GPR141: variants seen among roughly 807,000 people sequenced by gnomAD.
GPR141 encodes the protein probable G protein-coupled receptor 141.
Under a neutral mutation model 6.8 loss-of-function variants are expected in GPR141, and 6 were observed. The observed-to-expected ratio is 0.88, with a 90% CI of 0.48 to 1.74. The LOEUF (loss-of-function observed/expected upper bound fraction) is 1.74. GPR141 is among the 40% of genes most tolerant of loss of function. GPR141 has a pLI of 0.01. For synonymous variants in GPR141, 140 were observed against 142.3 expected, an observed-to-expected ratio of 0.98 and a Z score of 0.11; for missense variants, 372 against 372.9, an observed-to-expected ratio of 1.00 and a Z score of 0.02.
chr7:37,699,421 C>T (rs973399067), intron 2 of GPR141, among the ~76,000 whole-genome samples: 21 of 152,236 alleles, frequency 1.4e-4, no homozygotes, highest in Admixed American at 1.2e-3. Context: ...ATTAGCCGGG[C>T]GTGGTGGCGG....
At chr7:37,727,950 G>A (rs936356150) in intron 2 of GPR141, among the ~76,000 whole-genome samples, 1 of 152,154 alleles carries the variant, frequency 6.6e-6, no homozygotes, top group Non-Finnish European at 1.5e-5. Flanking sequence ...TCTCACCCAC[G>A]TTCTCCTAAT....
chr7:37,706,858 C>G lies in GPR141; in HGVS notation c.-15+21275C>G, dbSNP rs1185746637. Among the ~76,000 whole-genome samples, 4 of 152,254 alleles carry G rather than the reference C, an allele frequency of 2.6e-5. No homozygotes were observed. The East Asian group carries it at 7.7e-4, about 29-fold the overall frequency. On this transcript the variant is annotated intron_variant, in intron 2 of 2. Coordinates refer to ENST00000334425, the MANE Select transcript of GPR141 (RefSeq NM_001381946.1). ...ATAAATCGTAATGATTGACCAGAGA[C>G]CCTTGCAAATAGCCTGGGCATGGAC...
At chr7:37,716,631 A>G (rs17171141) in intron 2 of GPR141, among the ~76,000 whole-genome samples, 6,990 of 152,314 alleles carry the variant, frequency 0.046, 231 homozygotes, top group Admixed American at 0.094. Flanking sequence ...TGGTCAAAAA[A>G]TCAGAAGTGT....
Position 37,741,057 on chromosome 7 carries a change from TG to T in GPR141, c.667del (p.Ala223LeufsTer3). The part of the protein sequence containing the change: ...RHSLLSHQEF[W>X]AQLKNLFFIG... ...CTCTTTACTATCCCACCAGGAGTTCTGGGCTCAGCTGAAAAACCTATTTTTT... is the reference window on the plus strand; with the variant it reads ...CTCTTTACTATCCCACCAGGAGTTCTGGCTCAGCTGAAAAACCTATTTTTT... On this transcript the variant is annotated frameshift_variant, in exon 3 of 3. Transcript: ENST00000334425. LOFTEE classifies it high-confidence loss of function. The T allele has an allele frequency of 1.9e-6, 3 of 1,614,170 alleles. No individual in the cohort carries two copies. In the South Asian group the frequency reaches 3.3e-5, roughly 18 times the overall value.
intron 2 of GPR141, among the ~76,000 whole-genome samples, chr7:37,691,287 CCTTTTTTTTTTT>C (rs1231019395): frequency 4.0e-4 from 37 of 93,670 alleles, no homozygotes; most frequent in African/African-American, 1.5e-3. Flanking sequence ...CAGTCTATAT[CCTTTTTTTTTTT>C]TTTTTTTTTT....
At chr7:37,711,558 C>A (rs1353152316) in intron 2 of GPR141, among the ~76,000 whole-genome samples, 1 of 152,182 alleles carries the variant, frequency 6.6e-6, no homozygotes, top group African/African-American at 2.4e-5. Context: ...ATCATAGGTT[C>A]ATTCCTTTGA....
At chr7:37,710,153 G>T (rs573701646) in intron 2 of GPR141, among the ~76,000 whole-genome samples, 1 of 152,252 alleles carries the variant, frequency 6.6e-6, no homozygotes, top group Non-Finnish European at 1.5e-5. Context: ...AATAGAAAAT[G>T]GAAGTAGAAC....
At chr7:37,684,151 ATC>A (rs1432199960) in intron 1 of GPR141, among the ~76,000 whole-genome samples, 1 of 152,212 alleles carries the variant, frequency 6.6e-6, no homozygotes, top group African/African-American at 2.4e-5. Context: ...TGATTTCAGA[ATC>A]TCTCTGTCAA....
At chr7:37,726,524 A>G (rs1811633979) in intron 2 of GPR141, among the ~76,000 whole-genome samples, 1 of 152,210 alleles carries the variant, frequency 6.6e-6, no homozygotes, top group East Asian at 1.9e-4. Context: ...TACACAAAAC[A>G]TTTACAATGT....
At position 37,683,870 on chromosome 7, in the gene GPR141, C is replaced by T. The variant is rs1337199999; in HGVS notation, c.-172C>T. Reference sequence around the variant, plus strand: ...TGGAAGGCAGACATGTGGCCCATCTCTGTAGCCATCACTGAGAAATCTGGA... The same window carrying T: ...TGGAAGGCAGACATGTGGCCCATCTTTGTAGCCATCACTGAGAAATCTGGA... On this transcript the variant is annotated 5_prime_UTR_variant, in exon 1 of 3. Transcript: ENST00000334425. The T allele has an allele frequency of 6.6e-6, 1 of 152,224 alleles. No individual in the cohort carries two copies. The highest frequency in any genetic ancestry group is 1.5e-5 in the Non-Finnish European group (1 of 68,044). 9.4% of individuals were successfully genotyped at this position (152,224 alleles called of 1,614,324 possible).
chr7:37,731,801 C>T (rs978427691), intron 2 of GPR141, among the ~76,000 whole-genome samples: 6 of 152,110 alleles, frequency 3.9e-5, no homozygotes. Flanking sequence ...GCCCCAATCG[C>T]TTTCTGTCCT....
At chr7:37,739,971 C>G (rs1326636914) in intron 2 of GPR141, among the ~76,000 whole-genome samples, 1 of 152,000 alleles carries the variant, frequency 6.6e-6, no homozygotes, top group African/African-American at 2.4e-5. Context: ...TATAATCATG[C>G]CCGTAAGAAA....
chr7:37,706,382 T>C (rs1270915687), intron 2 of GPR141, among the ~76,000 whole-genome samples: 1 of 152,244 alleles, frequency 6.6e-6, no homozygotes, highest in Non-Finnish European at 1.5e-5. Flanking sequence ...TTGTACTCTG[T>C]TGTTTTAGTG....
intron 1 of GPR141, among the ~76,000 whole-genome samples, chr7:37,684,877 A>G (rs1261710691): frequency 1.3e-5 from 2 of 152,240 alleles, no homozygotes; most frequent in Non-Finnish European, 2.9e-5. Flanking sequence ...TAATGGGAAG[A>G]CCAATGGATG....
chr7:37,736,666 A>T (rs764981481), intron 2 of GPR141, among the ~76,000 whole-genome samples: 1 of 152,192 alleles, frequency 6.6e-6, no homozygotes, highest in Non-Finnish European at 1.5e-5. Flanking sequence ...ACTGAAAGGA[A>T]ATGCCAACCT....
At chr7:37,732,338 AG>A (rs2131846604) in intron 2 of GPR141, among the ~76,000 whole-genome samples, 1 of 151,748 alleles carries the variant, frequency 6.6e-6, no homozygotes, top group South Asian at 2.1e-4. Flanking sequence ...CTAGAGTCAG[AG>A]CCCCCTCACC....
At position 37,740,482 on chromosome 7, in the gene GPR141, G is replaced by T; in HGVS notation, c.89G>T (p.Gly30Val). The T allele has an allele frequency of 1.2e-6, 2 of 1,613,946 alleles. No individual in the cohort carries two copies. The highest frequency in any genetic ancestry group is 1.7e-6 in the Non-Finnish European group (2 of 1,179,910). The change falls in exon 3 of 3, where the codon GGC becomes GTC. Residue 30 changes from glycine to valine, a missense_variant. Physicochemically the swap from Gly to Val is moderately radical, Grantham distance 109. Coordinates refer to ENST00000334425, the MANE Select transcript of GPR141 (RefSeq NM_001381946.1). ...LISLYFIVLI[G>V]GLVGVISILF... ...AGCCTCTACTTCATAGTGCTTATTG[G>T]CGGGCTGGTGGGTGTCATTTCCATT...
At chr7:37,739,771 A>G (rs1281929199) in intron 2 of GPR141, among the ~76,000 whole-genome samples, 2 of 152,142 alleles carry the variant, frequency 1.3e-5, no homozygotes, top group African/African-American at 4.8e-5. Flanking sequence ...GCCCATGGGA[A>G]GGCTTAGCAA....
intron 2 of GPR141, among the ~76,000 whole-genome samples, chr7:37,707,815 G>A (rs569510304): frequency 6.6e-6 from 1 of 152,208 alleles, no homozygotes; most frequent in South Asian, 2.1e-4. Context: ...AGCAAAGAGA[G>A]AAAATAGGAA....
Sources: gnomAD v4.1 joint callset for allele counts (sites outside exome capture counted in the v4.1 genomes callset) on GRCh38, gnomAD v4.1.1 for gene constraint, MANE v1.5 for transcripts, NCBI Gene and HGNC (gene_info 2026-07-23, HGNC 2026-07-21) for gene names.